Variants in GABRG3 observed in about 807,000 individuals in gnomAD.
GABRG3 encodes the protein gamma-aminobutyric acid type A receptor subunit gamma3.
Under a neutral mutation model 48.8 loss-of-function variants are expected in GABRG3, and 25 were observed. That is an observed-to-expected ratio of 0.51 (90% CI 0.37 to 0.72). The LOEUF is 0.72. Among genes scored for constraint, GABRG3 ranks in the 30% least tolerant of loss-of-function variants. GABRG3 has a pLI of 0.00. For synonymous variants in GABRG3, 227 were observed against 217.6 expected, an observed-to-expected ratio of 1.04 and a Z score of -0.38; for missense variants, 394 against 577.9, an observed-to-expected ratio of 0.68 and a Z score of 3.26.
At chr15:27,307,335 C>A (rs182931467) in intron 3 of GABRG3, among the ~76,000 whole-genome samples, 8 of 106,178 alleles carry the variant, frequency 7.5e-5, no homozygotes, top group Non-Finnish European at 1.2e-4. Flanking sequence ...TTATATATAA[C>A]CATAGGTTTA....
intron 3 of GABRG3, among the ~76,000 whole-genome samples, chr15:27,300,678 C>CAAAAAAAAAAAAAAAAAAAAAAAAAAA: frequency 9.9e-6 from 1 of 101,282 alleles, no homozygotes; most frequent in Non-Finnish European, 2.0e-5. Flanking sequence ...AATAAATAAG[C>CAAAAAAAAAAAAAAAAAAAAAAAAAAA]AAAAAAAAAA....
intron 3 of GABRG3, among the ~76,000 whole-genome samples, chr15:27,218,064 C>G (rs1465345626): frequency 6.6e-6 from 1 of 152,194 alleles, no homozygotes; most frequent in Admixed American, 6.5e-5. Flanking sequence ...GGCTGGAGTG[C>G]AACTCTGCGA....
chr15:27,380,988 A>C (rs578201732), intron 5 of GABRG3, among the ~76,000 whole-genome samples: 1 of 152,008 alleles, frequency 6.6e-6, no homozygotes, highest in Admixed American at 6.6e-5. Flanking sequence ...GACGGTCTCA[A>C]TCTCCTGACC....
At chr15:27,425,448 C>CAAAAAAAA (rs57986546) in intron 5 of GABRG3, among the ~76,000 whole-genome samples, 1 of 77,880 alleles carries the variant, frequency 1.3e-5, no homozygotes, top group African/African-American at 4.0e-5. Flanking sequence ...ACTAAAAATA[C>CAAAAAAAA]AAAAAAAAAA....
At chr15:27,336,773 C>T (rs1893991376) in intron 5 of GABRG3, among the ~76,000 whole-genome samples, 1 of 152,200 alleles carries the variant, frequency 6.6e-6, no homozygotes, top group Non-Finnish European at 1.5e-5. Flanking sequence ...TCATGTTCTT[C>T]AGTGGTTAAT....
chr15:27,385,737 T>C (rs2140567620), intron 5 of GABRG3, among the ~76,000 whole-genome samples: 1 of 152,320 alleles, frequency 6.6e-6, no homozygotes, highest in East Asian at 1.9e-4. Context: ...TATCATTCTG[T>C]TCTATATTGA....
At chr15:27,248,597 T>C (rs1250878989) in intron 3 of GABRG3, among the ~76,000 whole-genome samples, 2 of 152,104 alleles carry the variant, frequency 1.3e-5, no homozygotes, top group Admixed American at 1.3e-4. Flanking sequence ...AGAAGTTAAA[T>C]GCTCTGTCAG....
intron 5 of GABRG3, among the ~76,000 whole-genome samples, chr15:27,371,168 G>A (rs563437429): frequency 8.6e-5 from 13 of 152,010 alleles, no homozygotes; most frequent in African/African-American, 3.1e-4. Context: ...AAAAAAAAAA[G>A]GTATGCTGTT....
chr15:27,023,224 C>T (rs1345814922), intron 2 of GABRG3, among the ~76,000 whole-genome samples: 1 of 152,134 alleles, frequency 6.6e-6, no homozygotes, highest in Non-Finnish European at 1.5e-5. Context: ...CAGAAAATTG[C>T]TCCCCACCAC....
chr15:27,390,993 CAGG>C (rs1333121469), intron 5 of GABRG3, among the ~76,000 whole-genome samples: 3 of 151,674 alleles, frequency 2.0e-5, no homozygotes, highest in Admixed American at 6.6e-5. Context: ...GAGGCTGAGG[CAGG>C]AGAATTGCTT....
chr15:27,386,114 T>TCC (rs1895912841), intron 5 of GABRG3, among the ~76,000 whole-genome samples: 1 of 152,012 alleles, frequency 6.6e-6, no homozygotes, highest in Non-Finnish European at 1.5e-5. Flanking sequence ...GATGTCGTCT[T>TCC]CTCTCTCTCT....
intron 2 of GABRG3, among the ~76,000 whole-genome samples, chr15:27,021,803 A>G (rs1360968209): frequency 6.6e-6 from 1 of 152,238 alleles, no homozygotes; most frequent in Non-Finnish European, 1.5e-5. Flanking sequence ...TGATTGCACC[A>G]CTGCACTCCA....
In GABRG3 at chr15:27,210,188, G is replaced by A. The variant is rs1413595943; in HGVS notation, c.271-116621G>A. 2.0e-5 allele frequency among the ~76,000 whole-genome samples: 3 copies of A among 152,168 alleles called. No individual in the cohort carries two copies. The East Asian group carries it at 5.8e-4, about 29-fold the overall frequency. On this transcript the variant is annotated intron_variant, in intron 3 of 9. Transcript: ENST00000615808. ...GGACCTCCAAGGGTCGGGTGAATGT[G>A]GACAGGCAGCCACCTCAGAGAAAAG...
chr15:27,321,676 T>C (rs898905528), intron 3 of GABRG3, among the ~76,000 whole-genome samples: 4 of 152,170 alleles, frequency 2.6e-5, no homozygotes, highest in African/African-American at 9.7e-5. Context: ...TGAGGCCCAA[T>C]AGGGGGAAAG....
chr15:27,264,732 T>G (rs1295674751), intron 3 of GABRG3, among the ~76,000 whole-genome samples: 1 of 151,822 alleles, frequency 6.6e-6, no homozygotes, highest in African/African-American at 2.4e-5. Context: ...CCTTCAAAAT[T>G]ATAAGCCATT....
At chr15:27,438,464 C>T (rs1023265952) in intron 5 of GABRG3, among the ~76,000 whole-genome samples, 9 of 152,194 alleles carry the variant, frequency 5.9e-5, no homozygotes, top group African/African-American at 1.4e-4. Flanking sequence ...GCATTGCCTA[C>T]GAAGTCGGAG....
At position 27,129,434 on chromosome 15, in the gene GABRG3, T is replaced by C. The variant is rs533200911; in HGVS notation, c.270+102613T>C. ...ATTATGTGTATATGCCATATTTTAT[T>C]TAACCATTCAATCTTAGATGGACAC... is the stretch of plus-strand genomic sequence containing the variant. On this transcript the variant is annotated intron_variant, in intron 3 of 9. Transcript: ENST00000615808. Among the ~76,000 whole-genome samples the C allele has an allele frequency of 3.9e-5, 6 of 152,358 alleles. No individual in the cohort carries two copies. In the East Asian group the frequency reaches 1.2e-3, roughly 29 times the overall value.
At chr15:27,372,883 T>C (rs67928392) in intron 5 of GABRG3, among the ~76,000 whole-genome samples, 23,894 of 152,204 alleles carry the variant, frequency 0.16, 2,961 homozygotes, top group African/African-American at 0.35. Context: ...CTGTGAACTC[T>C]TTTTAGGCAT....
rs539105035 is a variant in GABRG3 at position 27,045,655 on chromosome 15, T to C, written c.270+18834T>C. 7.2e-5 allele frequency among the ~76,000 whole-genome samples: 11 copies of C among 152,286 alleles called. No homozygotes were observed. The South Asian group carries it at 1.4e-3, about 20-fold the overall frequency. On this transcript the variant is annotated intron_variant, in intron 3 of 9. Transcript: ENST00000615808. ...TTTATCAGAAGCAGGTGCACACTCATGGAAGGCGAAAGAGAAAGGAATTAG... is the reference window on the plus strand; with the variant it reads ...TTTATCAGAAGCAGGTGCACACTCACGGAAGGCGAAAGAGAAAGGAATTAG...
Sources: allele counts gnomAD v4.1 joint callset (sites outside exome capture counted in the v4.1 genomes callset), GRCh38; gene constraint gnomAD v4.1.1; transcripts MANE v1.5; gene names NCBI Gene and HGNC (gene_info 2026-07-23, HGNC 2026-07-21).